The following GNRHR variants were observed in gnomAD, a reference collection of about 807,000 sequenced individuals.
GNRHR encodes gonadotropin-releasing hormone receptor.
GNRHR carries 14 observed loss-of-function variants against 28.1 expected under a neutral mutation model. The observed-to-expected ratio is 0.50, with a 90% CI of 0.33 to 0.78. The LOEUF (loss-of-function observed/expected upper bound fraction) is 0.78. GNRHR is among the 30% of genes least tolerant of loss of function. GNRHR has a pLI of 0.02. For missense variants in GNRHR, 366 were observed against 382.1 expected (o/e 0.96, Z 0.35); for synonymous variants, 141 against 140.5 (o/e 1.00, Z -0.02).
At position 67,740,324 on chromosome 4, in the gene GNRHR, G is replaced by T; in HGVS notation, c.*156C>A. 1 of 634,858 alleles carries T rather than the reference G, an allele frequency of 1.6e-6. No individual in the cohort carries two copies. Among genetic ancestry groups the T allele is most frequent in the East Asian group, 2.6e-5 (1 of 38,384 alleles). The allele number at this position is 634,858 out of a possible 1,614,324, so 39.3% of individuals were successfully genotyped here. A position where few individuals can be genotyped will look rare whatever the true frequency, so the allele number is the denominator to read the frequency against. On this transcript the variant is annotated 3_prime_UTR_variant, in exon 3 of 3. Transcript: ENST00000226413. ...CTGAAGACTTTTCCTTAATAATTGA[G>T]GCTCTGAAGACTGAGTTTCTAAAAG...
In GNRHR at chr4:67,754,025, G is replaced by A; in HGVS notation, c.311C>T (p.Thr104Ile). ...VMPLDGMWNI[T>I]VQWYAGELLC... ...TAACTCTCCAGCATACCATTGGACT[G>A]TAATGTTCCACATCCCATCCAGTGG... Residue 104 changes from threonine (T) to isoleucine (I), a missense_variant, in exon 1 of 3, where the codon ACA (threonine) becomes ATA (isoleucine). Thr to Ile is a moderately conservative substitution (Grantham distance 89). Coordinates refer to ENST00000226413, the MANE Select transcript of GNRHR (RefSeq NM_000406.3). The A allele has an allele frequency of 6.2e-7, 1 of 1,613,804 alleles. No individual in the cohort carries two copies. Among genetic ancestry groups the A allele is most frequent in the Non-Finnish European group, 8.5e-7 (1 of 1,179,684 alleles).
Position 67,754,364 on chromosome 4 carries a change from G to GTTT in GNRHR, c.-30_-29insAAA. On this transcript the variant is annotated 5_prime_UTR_variant, in exon 1 of 3. Coordinates refer to ENST00000226413, the MANE Select transcript of GNRHR (RefSeq NM_000406.3). The stretch of plus-strand genomic sequence containing the variant: ...TTCCCAGGACAGAGCTTCAAGCCTT[G>GTTT]TGTCTCTGGTGCATCTGATATTTTA... 1.3e-6 allele frequency: 2 copies of GTTT among 1,559,634 alleles called. No individual in the cohort carries two copies. Among genetic ancestry groups the GTTT allele is most frequent in the Non-Finnish European group, 1.8e-6 (2 of 1,137,434 alleles).
chr4:67,744,489 C>T (rs1375624252), intron 2 of GNRHR, 79 bp downstream of exon 2: 6 of 824,430 alleles, frequency 7.3e-6, no homozygotes, highest in African/African-American at 5.0e-5. Context: ...GTATCTGTCA[C>T]ATAGTTCATG....
intron 1 of GNRHR, chr4:67,751,829 C>G (rs150296950): frequency 6.6e-6 from 1 of 152,290 alleles, no homozygotes; most frequent in Non-Finnish European, 1.5e-5. Context: ...TGTAATTACA[C>G]AGATCTTATA....
chr4:67,754,328 T>C lies in GNRHR; in HGVS notation c.8A>G (p.Asn3Ser). 1.9e-6 allele frequency: 3 copies of C among 1,609,644 alleles called. No individual in the cohort carries two copies. Among genetic ancestry groups the C allele is most frequent in the South Asian group, 1.1e-5 (1 of 91,074 alleles). Reference protein sequence around the residue: MANSASPEQNQNH... With the variant: MASSASPEQNQNH... ...TTGATTCTGTTCAGGAGAGGCACTG[T>C]TTGCCATATTTTCCCAGGACAGAGC... Residue 3 changes from asparagine to serine, a missense_variant, in exon 1 of 3, where the codon AAC (asparagine) becomes AGC (serine). Asn to Ser is a conservative substitution (Grantham distance 46, BLOSUM62 1). Transcript: ENST00000226413.
chr4:67,749,821 C>A lies in GNRHR; in HGVS notation c.522+3993G>T, dbSNP rs1731835481. 2.0e-5 allele frequency among the ~76,000 whole-genome samples: 3 copies of A among 151,954 alleles called. No individual in the cohort carries two copies. The South Asian group carries it at 6.2e-4, about 32-fold the overall frequency. On this transcript the variant is annotated intron_variant, in intron 1 of 2. Coordinates refer to ENST00000226413, the MANE Select transcript of GNRHR (RefSeq NM_000406.3). ...CAGAGTGAGTATGATAGCTTTGTGA[C>A]CAGGGAGTAGTTTACTAATCAGTCA...
intron 1 of GNRHR, among the ~76,000 whole-genome samples, chr4:67,752,797 C>CA (rs1332168025): frequency 3.3e-5 from 1 of 29,898 alleles, no homozygotes; most frequent in Non-Finnish European, 9.8e-4. Context: ...TTCTGCATGG[C>CA]AGTTTTTTTT....
chr4:67,749,381 A>G (rs1170138252), intron 1 of GNRHR, among the ~76,000 whole-genome samples: 4 of 152,176 alleles, frequency 2.6e-5, no homozygotes, highest in Non-Finnish European at 5.9e-5. Flanking sequence ...CAGATAAACT[A>G]GTGATAAGCT....
rs1560515960 is a variant in GNRHR, at chr4:67,739,283, A to G, written c.*1197T>C. On this transcript the variant is annotated 3_prime_UTR_variant, in exon 3 of 3. Transcript: ENST00000226413. ...CATACTATTTAATGTGAATATCAGT[A>G]GGTGTTAGTTGTGCCATGGGCTGCT... 1 of 152,040 alleles carries G rather than the reference A, an allele frequency of 6.6e-6. No homozygotes were observed. Among genetic ancestry groups the G allele is most frequent in the Non-Finnish European group, 1.5e-5 (1 of 67,900 alleles). The allele number at this position is 152,040 out of a possible 1,614,324, so 9.4% of individuals were successfully genotyped here.
intron 1 of GNRHR, among the ~76,000 whole-genome samples, chr4:67,748,996 A>G (rs1731817100): frequency 6.6e-6 from 1 of 152,164 alleles, no homozygotes; most frequent in Non-Finnish European, 1.5e-5. Context: ...ATATTTATTC[A>G]CTGCCTGTTC....
At chr4:67,752,059 T>C (rs1257666529) in intron 1 of GNRHR, among the ~76,000 whole-genome samples, 1 of 152,206 alleles carries the variant, frequency 6.6e-6, no homozygotes, top group East Asian at 1.9e-4. Context: ...AGGTTTTGTA[T>C]TTTATTTGAA....
In GNRHR at chr4:67,740,643, G is replaced by A; in HGVS notation, c.824C>T (p.Ser275Leu). 1 of 1,610,668 alleles carries A rather than the reference G, an allele frequency of 6.2e-7. No individual in the cohort carries two copies. Among genetic ancestry groups the A allele is most frequent in the Non-Finnish European group, 8.5e-7 (1 of 1,176,838 alleles). ...GTAGGGAGTCCAGCAGACAGTAAAT[G>A]AAGTGGCAAATGCAACCGTCATTTT... ...TLKMTVAFAT[S>L]FTVCWTPYYV... The change falls in exon 3 of 3, where the codon TCA (serine) becomes TTA (leucine). Residue 275 changes from serine to leucine, a missense_variant. By Grantham distance (145) the Ser-to-Leu change is moderately radical. Coordinates refer to ENST00000226413, the MANE Select transcript of GNRHR (RefSeq NM_000406.3).
chr4:67,740,670 A>C lies in GNRHR; in HGVS notation c.797T>G (p.Leu266Arg), dbSNP rs148499544. 8.7e-6 allele frequency: 14 copies of C among 1,604,472 alleles called. No homozygotes were observed. The African/African-American group carries it at 1.6e-4, about 18-fold the overall frequency. ...AGTGGCAAATGCAACCGTCATTTTTAGAGTCTTCAGCCGTGCTCTTGGTAT... is the reference window on the plus strand; with the variant it reads ...AGTGGCAAATGCAACCGTCATTTTTCGAGTCTTCAGCCGTGCTCTTGGTAT... The part of the protein sequence containing the change: ...NNIPRARLKT[L>R]KMTVAFATSF... The change falls in exon 3 of 3, where the codon CTA (leucine) becomes CGA (arginine). Residue 266 changes from leucine to arginine, a missense_variant. Leu to Arg is a moderately radical substitution (Grantham distance 102, BLOSUM62 -2). Transcript: ENST00000226413.
intron 1 of GNRHR, among the ~76,000 whole-genome samples, chr4:67,749,166 A>C (rs1289362840): frequency 1.3e-5 from 2 of 152,108 alleles, no homozygotes; most frequent in Non-Finnish European, 2.9e-5. Context: ...CTGTGTGATA[A>C]TATTTATTGA....
intron 1 of GNRHR, chr4:67,751,649 A>C (rs1731867826): frequency 6.6e-6 from 1 of 152,196 alleles, no homozygotes; most frequent in South Asian, 2.1e-4. Flanking sequence ...GATGAAAATA[A>C]TTGGATTGAT....
rs1731635325 is a variant in GNRHR at position 67,740,401 on chromosome 4, A to G, written c.*79T>C. 2 of 1,070,186 alleles carry G rather than the reference A, an allele frequency of 1.9e-6. No homozygotes were observed. Among genetic ancestry groups the G allele is most frequent in the Non-Finnish European group, 2.9e-6 (2 of 689,666 alleles). 66.3% of individuals were successfully genotyped at this position (1,070,186 alleles called of 1,614,324 possible). A position where few individuals can be genotyped will look rare whatever the true frequency, so the allele number is the denominator to read the frequency against. ...TTTGTTTGTATGTAAACATGCTCCA[A>G]CATTTGTGTTAATCATTCCCAGATG... On this transcript the variant is annotated 3_prime_UTR_variant, in exon 3 of 3. Coordinates refer to ENST00000226413, the MANE Select transcript of GNRHR (RefSeq NM_000406.3).
chr4:67,754,367 T>C lies in GNRHR; in HGVS notation c.-32A>G. The stretch of plus-strand genomic sequence containing the variant: ...CCAGGACAGAGCTTCAAGCCTTGTG[T>C]CTCTGGTGCATCTGATATTTTATTG... On this transcript the variant is annotated 5_prime_UTR_variant, in exon 1 of 3. Coordinates refer to ENST00000226413, the MANE Select transcript of GNRHR (RefSeq NM_000406.3). The C allele has an allele frequency of 1.3e-6, 2 of 1,560,086 alleles. No individual in the cohort carries two copies. The highest frequency in any genetic ancestry group is 1.8e-6 in the Non-Finnish European group (2 of 1,137,926).
At position 67,754,258 on chromosome 4, in the gene GNRHR, G is replaced by A; in HGVS notation, c.78C>T (p.Gly26=). The A allele has an allele frequency of 6.2e-7, 1 of 1,613,114 alleles. No individual in the cohort carries two copies. The highest frequency in any genetic ancestry group is 1.1e-5 in the South Asian group (1 of 91,070). ...CAGACAAGGTCAGAGTGGGGAGGTT[G>A]CCCTGCATCAGTGGGATGCTGTTGT... ...AINNSIPLMQ[G]NLPTLTLSGK... The change falls in exon 1 of 3, where the codon GGC becomes GGT. Residue 26 remains glycine (G), a synonymous_variant. Coordinates refer to ENST00000226413, the MANE Select transcript of GNRHR (RefSeq NM_000406.3).
chr4:67,749,329 T>C (rs113450910), intron 1 of GNRHR, among the ~76,000 whole-genome samples: 2,325 of 152,216 alleles, frequency 0.015, 69 homozygotes, highest in African/African-American at 0.053. Context: ...GGGTTAACCA[T>C]AGAATTTAAA....
Sources: gnomAD v4.1 joint callset for allele counts (sites outside exome capture counted in the v4.1 genomes callset) on GRCh38, gnomAD v4.1.1 for gene constraint, MANE v1.5 for transcripts, NCBI Gene and HGNC (gene_info 2026-07-23, HGNC 2026-07-21) for gene names.